Variants in GOLGA6B observed in about 807,000 individuals in gnomAD.
GOLGA6B encodes golgin A6 family member B, also known as golgin subfamily A member 6B.
GOLGA6B carries 11 observed loss-of-function variants against 63.0 expected under a neutral mutation model. The ratio of observed to expected loss-of-function variants is 0.17; its 90% CI spans 0.11 to 0.29. GOLGA6B has a LOEUF of 0.29. GOLGA6B is among the 10% of genes least tolerant of loss of function. The pLI is 1.00. For synonymous variants in GOLGA6B, 46 were observed against 232.6 expected (o/e 0.20, Z 7.30); for missense variants, 134 against 563.8 (o/e 0.24, Z 7.72).
rs780788081 is a variant in GOLGA6B, at chr15:72,664,518, G to C, written c.1501+7G>C. ...GTGGCTCTCCCGGGAGAAGGTACAG[G>C]AGACCACTCAGAGGAAGAGGAGAGA... On this transcript the variant is annotated splice_region_variant and intron_variant, in intron 13 of 17. Transcript: ENST00000421285. 1.2e-5 allele frequency: 16 copies of C among 1,350,056 alleles called. 4 individuals carry two copies. Among genetic ancestry groups the C allele is most frequent in the Non-Finnish European group, 1.6e-5 (16 of 990,370 alleles). 83.6% of individuals were successfully genotyped at this position (1,350,056 alleles called of 1,614,324 possible). A position where few individuals can be genotyped will look rare whatever the true frequency, so the allele number is the denominator to read the frequency against.
intron 8 of GOLGA6B, 35 bp downstream of exon 8, chr15:72,661,385 G>A (rs1273304277): frequency 6.2e-7 from 1 of 1,604,512 alleles, no homozygotes; most frequent in African/African-American, 1.3e-5. Flanking sequence ...GTGGAAGGAA[G>A]ATGACCCCAG....
chr15:72,657,491 C>T (rs1156835217), intron 2 of GOLGA6B, among the ~76,000 whole-genome samples: 6 of 139,492 alleles, frequency 4.3e-5, no homozygotes, highest in African/African-American at 1.3e-4. Flanking sequence ...TCTTCTTCAG[C>T]GTTTCCTTTT....
rs2064603284 is a variant in GOLGA6B at position 72,662,303 on chromosome 15, T to C, written c.899T>C (p.Leu300Pro). Residue 300 changes from leucine to proline, a missense_variant, in exon 11 of 18, where the codon CTA becomes CCA. By Grantham distance (98) the Leu-to-Pro change is moderately conservative (BLOSUM62 -3). Coordinates refer to ENST00000421285, the MANE Select transcript of GOLGA6B (RefSeq NM_018652.5). Reference sequence around the variant, plus strand: ...GCAGTGACCTCTGTGGTGGAACAGCTACAAGATGAGGCCAAACACCTGAGG... The same window carrying C: ...GCAGTGACCTCTGTGGTGGAACAGCCACAAGATGAGGCCAAACACCTGAGG... ...PPAVTSVVEQ[L>P]QDEAKHLRQE... The C allele has an allele frequency of 7.2e-7, 1 of 1,387,584 alleles. No individual in the cohort carries two copies. Among genetic ancestry groups the C allele is most frequent in the Admixed American group, 1.9e-5 (1 of 51,926 alleles). 86.0% of individuals were successfully genotyped at this position (1,387,584 alleles called of 1,614,324 possible). A position where few individuals can be genotyped will look rare whatever the true frequency, so the allele number is the denominator to read the frequency against.
chr15:72,669,256 AT>A lies in GOLGA6B; in HGVS notation c.*2915del, dbSNP rs1315298779. Among the ~76,000 whole-genome samples the A allele has an allele frequency of 1.3e-5, 2 of 152,268 alleles. No homozygotes were observed. Among genetic ancestry groups the A allele is most frequent in the Non-Finnish European group, 2.9e-5 (2 of 68,044 alleles). ...AAAATGTAAATCAGCCCTATCCATA[AT>A]ATAGTTTCTCTAAAACTTTATCTTA... On this transcript the variant is annotated 3_prime_UTR_variant, in exon 18 of 18. Coordinates refer to ENST00000421285, the MANE Select transcript of GOLGA6B (RefSeq NM_018652.5).
At chr15:72,657,606 T>G (rs2064582314) in intron 2 of GOLGA6B, among the ~76,000 whole-genome samples, 1 of 45,186 alleles carries the variant, frequency 2.2e-5, no homozygotes, top group African/African-American at 1.1e-4. Flanking sequence ...TCCTGTAGAT[T>G]CAGGACATTC....
chr15:72,662,250 A>G lies in GOLGA6B; in HGVS notation c.848-2A>G. The G allele has an allele frequency of 8.7e-6, 12 of 1,378,070 alleles. No individual in the cohort carries two copies. Among genetic ancestry groups the G allele is most frequent in the Non-Finnish European group, 1.1e-5 (11 of 1,022,016 alleles). 85.4% of individuals were successfully genotyped at this position (1,378,070 alleles called of 1,614,324 possible). On this transcript the variant is annotated splice_acceptor_variant, in intron 10 of 17. Transcript: ENST00000421285. LOFTEE classifies it high-confidence loss of function. ...GCCCTTATTGTCTGCTTCATTTCTC[A>G]GCTAAGCCCCCATCCCTGGCGCCCC...
At chr15:72,664,202 G>C (rs569844685) in intron 12 of GOLGA6B, among the ~76,000 whole-genome samples, 2,785 of 130,028 alleles carry the variant, frequency 0.021, 438 homozygotes, top group African/African-American at 0.07. Context: ...GCAGCAGTAC[G>C]TGGCCACCTA....
chr15:72,660,916 A>G (rs1009213215), intron 7 of GOLGA6B, among the ~76,000 whole-genome samples: 1 of 147,328 alleles, frequency 6.8e-6, no homozygotes, highest in Non-Finnish European at 1.5e-5. Context: ...TCATCTACAC[A>G]ATAGAGGTAA....
At chr15:72,657,613 A>G (rs1265016087) in intron 2 of GOLGA6B, among the ~76,000 whole-genome samples, 1 of 45,046 alleles carries the variant, frequency 2.2e-5, no homozygotes, top group Non-Finnish European at 4.0e-5. Flanking sequence ...GATTCAGGAC[A>G]TTCTGAAGGT....
intron 2 of GOLGA6B, among the ~76,000 whole-genome samples, chr15:72,658,131 CTT>C: frequency 2.1e-5 from 1 of 48,714 alleles, no homozygotes; most frequent in East Asian, 7.4e-4. Context: ...CCTGGCTACT[CTT>C]TGTATTTTTA....
intron 7 of GOLGA6B, among the ~76,000 whole-genome samples, chr15:72,660,928 C>T (rs2064592873): frequency 1.3e-5 from 2 of 148,916 alleles, no homozygotes; most frequent in Non-Finnish European, 3.0e-5. Flanking sequence ...TAGAGGTAAT[C>T]CTAGTAACTG....
In GOLGA6B at chr15:72,669,131, C is replaced by A. The variant is rs1462713447; in HGVS notation, c.*2789C>A. On this transcript the variant is annotated 3_prime_UTR_variant, in exon 18 of 18. Transcript: ENST00000421285. ...GAATTAAAAATCTATTTAAAGATTG[C>A]AATATATAATCATTTTTAAAGTATT... is the stretch of plus-strand genomic sequence containing the variant. Among the ~76,000 whole-genome samples, 5 of 151,594 alleles carry A rather than the reference C, an allele frequency of 3.3e-5. No individual in the cohort carries two copies. The highest frequency in any genetic ancestry group is 7.3e-5 in the African/African-American group (3 of 41,330).
chr15:72,664,359 A>G lies in GOLGA6B; in HGVS notation c.1426-77A>G, dbSNP rs1459876116. 7.9e-5 allele frequency: 100 copies of G among 1,273,840 alleles called. 28 individuals carry two copies. Among genetic ancestry groups the G allele is most frequent in the Non-Finnish European group, 1.1e-4 (99 of 927,526 alleles). 78.9% of individuals were successfully genotyped at this position (1,273,840 alleles called of 1,614,324 possible). A position where few individuals can be genotyped will look rare whatever the true frequency, so the allele number is the denominator to read the frequency against. On this transcript the variant is annotated intron_variant, in intron 12 of 17. Transcript: ENST00000421285. Reference sequence around the variant, plus strand: ...AAGTTGCAGGAGACCCAGGGGAGGCAGTTGCTGAGGACGGGGCCCCGAGGG... The same window carrying G: ...AAGTTGCAGGAGACCCAGGGGAGGCGGTTGCTGAGGACGGGGCCCCGAGGG...
intron 7 of GOLGA6B, among the ~76,000 whole-genome samples, chr15:72,660,825 T>C (rs1397943432): frequency 4.4e-5 from 4 of 91,474 alleles, no homozygotes; most frequent in Non-Finnish European, 6.6e-5. Context: ...GCTTAGAGAA[T>C]AGGATAGACC....
intron 2 of GOLGA6B, among the ~76,000 whole-genome samples, chr15:72,657,530 A>C: frequency 1.2e-5 from 1 of 80,670 alleles, no homozygotes; most frequent in Non-Finnish European, 2.4e-5. Context: ...TCCTACCCTG[A>C]CTTTCTTGCT....
At chr15:72,657,127 C>T (rs2064579837) in intron 2 of GOLGA6B, among the ~76,000 whole-genome samples, 1 of 30,746 alleles carries the variant, frequency 3.3e-5, no homozygotes, top group Admixed American at 4.2e-4. Context: ...ACAGAAAAAT[C>T]ACTTCTTCTG....
Position 72,664,427 on chromosome 15 carries a change from T to G in GOLGA6B, c.1426-9T>G. The G allele has an allele frequency of 1.5e-6, 2 of 1,320,622 alleles. 1 individual carries two copies. Among genetic ancestry groups the G allele is most frequent in the African/African-American group, 2.9e-5 (2 of 68,536 alleles). The allele number at this position is 1,320,622 out of a possible 1,614,324, so 81.8% of individuals were successfully genotyped here. A position where few individuals can be genotyped will look rare whatever the true frequency, so the allele number is the denominator to read the frequency against. On this transcript the variant is annotated splice_polypyrimidine_tract_variant and intron_variant, in intron 12 of 17. Transcript: ENST00000421285. ...CCGTGCCTTCTCACTCTGTTTCCCGTCCCCTTAGGAGCACCTAGAAGCTGC... is the reference window on the plus strand; with the variant it reads ...CCGTGCCTTCTCACTCTGTTTCCCGGCCCCTTAGGAGCACCTAGAAGCTGC...
rs3985451 is a variant in GOLGA6B, at chr15:72,663,992, C to A, written c.1426-444C>A. On this transcript the variant is annotated intron_variant, in intron 12 of 17. Transcript: ENST00000421285. ...ATGGGGTTCTAGGCAAGAGAGGAAG[C>A]CTCTTAGGCCTGGAGCAAGGGACCA... Among the ~76,000 whole-genome samples the A allele has an allele frequency of 2.3e-5, 3 of 130,054 alleles. 1 individual carries two copies. The highest frequency in any genetic ancestry group is 3.5e-5 in the Non-Finnish European group (2 of 57,834). 85.3% of individuals were successfully genotyped at this position (130,054 alleles called of 152,430 possible). A position where few individuals can be genotyped will look rare whatever the true frequency, so the allele number is the denominator to read the frequency against.
chr15:72,664,249 G>T lies in GOLGA6B; in HGVS notation c.1426-187G>T, dbSNP rs1338149609. ...CCTCTGAGAAGGAGGCGCTGCACAG[G>T]CAGTTACTGCTGCAGACCCAGCTCG... On this transcript the variant is annotated intron_variant, in intron 12 of 17. Transcript: ENST00000421285. Among the ~76,000 whole-genome samples the T allele has an allele frequency of 2.3e-5, 3 of 130,380 alleles. 1 individual carries two copies. The highest frequency in any genetic ancestry group is 5.2e-5 in the Non-Finnish European group (3 of 57,642). The allele number at this position is 130,380 out of a possible 152,430, so 85.5% of individuals were successfully genotyped here.
Sources: gnomAD v4.1 joint callset for allele counts (sites outside exome capture counted in the v4.1 genomes callset) on GRCh38, gnomAD v4.1.1 for gene constraint, MANE v1.5 for transcripts, NCBI Gene and HGNC (gene_info 2026-07-23, HGNC 2026-07-21) for gene names.